The following WLS variants were observed in gnomAD, a reference collection of about 807,000 sequenced individuals.
WLS encodes the protein protein wntless homolog.
A neutral mutation model predicts 62.8 loss-of-function variants in WLS; 23 were observed. That is an observed-to-expected ratio of 0.37 (90% CI 0.26 to 0.52). The LOEUF is 0.52. WLS is among the 20% of genes least tolerant of loss of function. The pLI, the probability that WLS is intolerant of heterozygous loss-of-function variation, is 0.92. For synonymous variants in WLS, 246 were observed against 244.1 expected, an observed-to-expected ratio of 1.01 and a Z score of -0.07; for missense variants, 615 against 697.3, an observed-to-expected ratio of 0.88 and a Z score of 1.33.
intron 2 of WLS, among the ~76,000 whole-genome samples, chr1:68,187,163 T>G (rs1306754029): frequency 9.4e-6 from 1 of 106,096 alleles, no homozygotes; most frequent in Non-Finnish European, 1.7e-5. Flanking sequence ...CACTCCAGCC[T>G]GGGGGACAGA....
chr1:68,126,104 G>C lies in WLS; in HGVS notation c.*122C>G. 6.8e-7 allele frequency: 1 copy of C among 1,464,726 alleles called. No individual in the cohort carries two copies. Among genetic ancestry groups the C allele is most frequent in the Non-Finnish European group, 9.0e-7 (1 of 1,105,316 alleles). 90.7% of individuals were successfully genotyped at this position (1,464,726 alleles called of 1,614,324 possible). A position where few individuals can be genotyped will look rare whatever the true frequency, so the allele number is the denominator to read the frequency against. On this transcript the variant is annotated 3_prime_UTR_variant, in exon 12 of 12. Coordinates refer to ENST00000262348, the MANE Select transcript of WLS (RefSeq NM_024911.7). The stretch of plus-strand genomic sequence containing the variant: ...ACAAATGTCCATGCCGCTGGTCCAA[G>C]AAACCACAGCTAAGAGCCATGAGGC...
intron 10 of WLS, among the ~76,000 whole-genome samples, chr1:68,139,328 G>A (rs948293443): frequency 1.3e-5 from 2 of 152,028 alleles, no homozygotes; most frequent in African/African-American, 2.4e-5. Flanking sequence ...TCCAAATGTC[G>A]CTCTTCTTTA....
chr1:68,132,798 T>A (rs1368902423), intron 11 of WLS, among the ~76,000 whole-genome samples: 1 of 152,174 alleles, frequency 6.6e-6, no homozygotes, highest in Non-Finnish European at 1.5e-5. Context: ...TCAAAGCTAT[T>A]ATCAAGAATT....
chr1:68,231,306 G>A (rs943847771), intron 1 of WLS, among the ~76,000 whole-genome samples: 1 of 152,122 alleles, frequency 6.6e-6, no homozygotes, highest in African/African-American at 2.4e-5. Flanking sequence ...CGGGGCGGGC[G>A]CTGTCGCCGA....
intron 11 of WLS, among the ~76,000 whole-genome samples, chr1:68,116,785 T>C (rs1646297829): frequency 6.6e-6 from 1 of 152,228 alleles, no homozygotes; most frequent in Non-Finnish European, 1.5e-5. Context: ...AATGAATCTA[T>C]TTCTTTCAAG....
intron 2 of WLS, among the ~76,000 whole-genome samples, chr1:68,171,749 G>C (rs1647156819): frequency 6.6e-6 from 1 of 152,226 alleles, no homozygotes; most frequent in Non-Finnish European, 1.5e-5. Context: ...GTGGAAGACA[G>C]TGTGGCGATT....
At position 68,228,905 on chromosome 1, in the gene WLS, T is replaced by TG. The variant is rs1281636997; in HGVS notation, c.106+3288_106+3289insC. ...AAAATGTGTTTTTTTTTGTTTTTTT[T>TG]TTTTTTTGGTAAGAAGGATGTTGAA... On this transcript the variant is annotated intron_variant, in intron 1 of 11. Coordinates refer to ENST00000262348, the MANE Select transcript of WLS (RefSeq NM_024911.7). 9.7e-5 allele frequency among the ~76,000 whole-genome samples: 14 copies of TG among 144,058 alleles called. No individual in the cohort carries two copies. The East Asian group carries it at 2.1e-3, about 22-fold the overall frequency. 94.5% of individuals were successfully genotyped at this position (144,058 alleles called of 152,430 possible).
chr1:68,167,535 A>G (rs1327058717), intron 2 of WLS, among the ~76,000 whole-genome samples: 1 of 152,208 alleles, frequency 6.6e-6, no homozygotes, highest in African/African-American at 2.4e-5. Flanking sequence ...CCCTGGGAGA[A>G]TGGCAGGAAG....
At chr1:68,180,423 C>G (rs1417550207) in intron 2 of WLS, among the ~76,000 whole-genome samples, 1 of 152,054 alleles carries the variant, frequency 6.6e-6, no homozygotes, top group East Asian at 1.9e-4. Flanking sequence ...TGAGGAAAAG[C>G]TGAGTGTTGG....
chr1:68,108,851 C>A (rs1646182611), intron 11 of WLS, among the ~76,000 whole-genome samples: 1 of 151,672 alleles, frequency 6.6e-6, no homozygotes, highest in Non-Finnish European at 1.5e-5. Context: ...TACCACGGAC[C>A]CAGAGAAAGG....
At chr1:68,164,501 G>A (rs986949304) in intron 2 of WLS, among the ~76,000 whole-genome samples, 28 of 152,216 alleles carry the variant, frequency 1.8e-4, no homozygotes, top group African/African-American at 5.8e-4. Context: ...CAGGTGATCC[G>A]CCTGCCTCAG....
At chr1:68,116,216 G>A (rs1350790389) in intron 11 of WLS, among the ~76,000 whole-genome samples, 1 of 152,202 alleles carries the variant, frequency 6.6e-6, no homozygotes, top group Non-Finnish European at 1.5e-5. Context: ...TGACCCTCCT[G>A]TACCCAGGGC....
At chr1:68,141,618 G>A (rs763933297) in intron 10 of WLS, 6 of 151,992 alleles carry the variant, frequency 3.9e-5, no homozygotes, top group Non-Finnish European at 7.4e-5. Flanking sequence ...AGATCCCCTC[G>A]CATTATATTT....
At chr1:68,197,833 G>A (rs768017324) in intron 1 of WLS, among the ~76,000 whole-genome samples, 1 of 152,140 alleles carries the variant, frequency 6.6e-6, no homozygotes, top group African/African-American at 2.4e-5. Flanking sequence ...TTTTTAAAGT[G>A]TGTGGGATTA....
At chr1:68,154,219 G>A (rs1429112934) in intron 4 of WLS, among the ~76,000 whole-genome samples, 9 of 151,978 alleles carry the variant, frequency 5.9e-5, no homozygotes, top group Non-Finnish European at 7.4e-5. Context: ...TCTCTTGGCC[G>A]TTTAATCCTC....
chr1:68,179,646 T>C lies in WLS; in HGVS notation c.379+14309A>G, dbSNP rs575273197. ...CTTTAGGAAAATCAAGGGCAGAAAA[T>C]GCTGAGAAGCTGGAGGGTCTGAAAC... On this transcript the variant is annotated intron_variant, in intron 2 of 11. Coordinates refer to ENST00000262348, the MANE Select transcript of WLS (RefSeq NM_024911.7). 3.3e-5 allele frequency among the ~76,000 whole-genome samples: 5 copies of C among 152,240 alleles called. No individual in the cohort carries two copies. In the South Asian group the frequency reaches 1.0e-3, roughly 32 times the overall value.
chr1:68,171,555 T>G (rs1647153726), intron 2 of WLS, among the ~76,000 whole-genome samples: 1 of 151,692 alleles, frequency 6.6e-6, no homozygotes. Context: ...CCAACAAACG[T>G]GAAAAAAAGC....
At chr1:68,162,723 C>T in intron 2 of WLS, 1 of 1,171,508 alleles carries the variant, frequency 8.5e-7, no homozygotes, top group Non-Finnish European at 1.3e-6. Flanking sequence ...GGATATTGCA[C>T]ACAGCAATTC....
At chr1:68,155,002 C>T (rs192653620) in intron 4 of WLS, 97 bp downstream of exon 4, 80 of 1,291,098 alleles carry the variant, frequency 6.2e-5, no homozygotes, top group Non-Finnish European at 2.8e-5. Context: ...TGTTATTATT[C>T]CCATTTCTCA....
Sources: allele counts gnomAD v4.1 joint callset (sites outside exome capture counted in the v4.1 genomes callset), GRCh38; gene constraint gnomAD v4.1.1; transcripts MANE v1.5; gene names NCBI Gene and HGNC (gene_info 2026-07-23, HGNC 2026-07-21).